The following SYBU variants were observed in gnomAD, a reference collection of about 807,000 sequenced individuals.
SYBU encodes syntabulin, also known as GOLSYN A protein.
Under a neutral mutation model 35.9 loss-of-function variants are expected in SYBU, and 21 were observed. That is an observed-to-expected ratio of 0.58 (90% CI 0.41 to 0.84). The LOEUF is 0.84. SYBU is among the 40% of genes least tolerant of loss of function. The pLI is 0.00. For synonymous variants in SYBU, 319 were observed against 324.3 expected (o/e 0.98, Z 0.18); for missense variants, 768 against 848.2 (o/e 0.91, Z 1.17).
intron 1 of SYBU, among the ~76,000 whole-genome samples, chr8:109,678,956 G>A (rs917041275): frequency 7.2e-5 from 11 of 152,088 alleles, no homozygotes; most frequent in Non-Finnish European, 1.3e-4. Flanking sequence ...TTCCCAGGAG[G>A]TTAGACATTC....
At position 109,674,624 on chromosome 8, in the gene SYBU, A is replaced by G. The variant is rs190588433; in HGVS notation, c.-129+6087T>C. On this transcript the variant is annotated intron_variant, in intron 1 of 5. Transcript: ENST00000408889. ...TTGACACTGTGAAGAAACTGCATCA[A>G]CTAATGAGCAAAATAAAGCAAGTTC... Among the ~76,000 whole-genome samples, 519 of 152,290 alleles carry G rather than the reference A, an allele frequency of 3.4e-3. 3 individuals are homozygous for G. Among genetic ancestry groups the G allele is most frequent in the African/African-American group, 0.012 (487 of 41,554 alleles).
upstream of SYBU, among the ~76,000 whole-genome samples, chr8:109,648,264 T>TATATATATAATA (rs370315962): frequency 0.05 from 7,276 of 145,092 alleles, 551 homozygotes; most frequent in African/African-American, 0.16. Context: ...TATACAATAA[T>TATATATATAATA]ATATATATAT....
intron 2 of SYBU, among the ~76,000 whole-genome samples, chr8:109,632,357 T>C (rs945791189): frequency 2.0e-5 from 3 of 152,214 alleles, no homozygotes; most frequent in African/African-American, 4.8e-5. Context: ...AGCTAGTTCT[T>C]ATTCTCTTGA....
At chr8:109,576,837 A>C (rs963154099) in intron 6 of SYBU, among the ~76,000 whole-genome samples, 2 of 152,186 alleles carry the variant, frequency 1.3e-5, no homozygotes, top group African/African-American at 4.8e-5. Context: ...GGTAGTCAGG[A>C]TCCTCATATA....
At position 109,668,165 on chromosome 8, in the gene SYBU, G is replaced by GGAGAGGGAGA. The variant is rs1554628120; in HGVS notation, c.-129+12545_-129+12546insTCTCCCTCTC. Among the ~76,000 whole-genome samples, 154 of 89,048 alleles carry GGAGAGGGAGA rather than the reference G, an allele frequency of 1.7e-3. 5 individuals carry two copies. Among genetic ancestry groups the GGAGAGGGAGA allele is most frequent in the Admixed American group, 3.5e-3 (24 of 6,862 alleles). 58.4% of individuals were successfully genotyped at this position (89,048 alleles called of 152,430 possible). A position where few individuals can be genotyped will look rare whatever the true frequency, so the allele number is the denominator to read the frequency against. On this transcript the variant is annotated intron_variant, in intron 1 of 5. Transcript: ENST00000408889. ...GAAGAAGAGGCAGAGGGGGAGAGGG[G>GGAGAGGGAGA]GAGAGAGAGAGAGAGAGAGAGAGAG...
chr8:109,679,200 C>T (rs3133928), intron 1 of SYBU, among the ~76,000 whole-genome samples: 52,140 of 152,094 alleles, frequency 0.34, 10,705 homozygotes, highest in Non-Finnish European at 0.46. Flanking sequence ...AGGAAATCAA[C>T]CTACATGGTC....
chr8:109,576,499 G>A (rs573978338), intron 6 of SYBU, among the ~76,000 whole-genome samples: 7 of 152,220 alleles, frequency 4.6e-5, no homozygotes, highest in African/African-American at 1.4e-4. Flanking sequence ...ATAGTTTGTG[G>A]AAGGCCAGTT....
At chr8:109,598,298 C>A (rs903445764) in intron 3 of SYBU, among the ~76,000 whole-genome samples, 1 of 152,184 alleles carries the variant, frequency 6.6e-6, no homozygotes, top group African/African-American at 2.4e-5. Context: ...GAGTGAACTG[C>A]TTAATTTACT....
At chr8:109,590,093 G>C (rs1006850526) in intron 3 of SYBU, among the ~76,000 whole-genome samples, 4 of 151,932 alleles carry the variant, frequency 2.6e-5, no homozygotes, top group African/African-American at 7.3e-5. Context: ...TAAATGTACA[G>C]GTCTCCAGGG....
intron 2 of SYBU, among the ~76,000 whole-genome samples, chr8:109,621,561 T>G (rs1429630581): frequency 1.3e-5 from 2 of 152,232 alleles, no homozygotes; most frequent in Non-Finnish European, 2.9e-5. Flanking sequence ...ACTAGGAATA[T>G]AAGACATGGT....
chr8:109,588,264 G>A (rs1823848178), intron 3 of SYBU, among the ~76,000 whole-genome samples: 1 of 152,126 alleles, frequency 6.6e-6, no homozygotes, highest in Non-Finnish European at 1.5e-5. Context: ...AGATAATTGC[G>A]GAAAATCCAT....
chr8:109,575,281 T>G lies in SYBU; in HGVS notation c.1617A>C (p.Leu539Phe). ...GATTTCTTGGAGTTAAATCAACCAC[T>G]AAGGCAGAGAGGGACTCTGGGAAGC... ...MESFPESLSA[L>F]VVDLTPRNPN... The change falls in exon 7 of 7, where the codon TTA becomes TTC. Residue 539 changes from leucine (L) to phenylalanine (F), a missense_variant. Physicochemically the swap from Leu to Phe is conservative, Grantham distance 22. Coordinates refer to ENST00000276646, the MANE Select transcript of SYBU (RefSeq NM_001099754.2). 3 of 1,614,130 alleles carry G rather than the reference T, an allele frequency of 1.9e-6. No individual in the cohort carries two copies. The Middle Eastern group carries it at 4.9e-4, about 266-fold the overall frequency.
At chr8:109,627,655 G>T (rs1198921938) in intron 2 of SYBU, among the ~76,000 whole-genome samples, 1 of 152,170 alleles carries the variant, frequency 6.6e-6, no homozygotes, top group Non-Finnish European at 1.5e-5. Flanking sequence ...CCATAAGCTA[G>T]CTGTTTTCTA....
At chr8:109,652,988 T>C (rs1659773488) in intron 1 of SYBU, among the ~76,000 whole-genome samples, 1 of 152,230 alleles carries the variant, frequency 6.6e-6, no homozygotes, top group Non-Finnish European at 1.5e-5. Context: ...AAGCCCAGCA[T>C]AGTCCCTTGT....
intron 1 of SYBU, among the ~76,000 whole-genome samples, chr8:109,665,263 C>A (rs1282959338): frequency 1.3e-5 from 2 of 152,036 alleles, no homozygotes; most frequent in African/African-American, 4.8e-5. Context: ...TTTGGCCAAG[C>A]CTTCAACCTC....
At chr8:109,645,097 T>A, upstream of SYBU, 1 of 471,992 alleles carries the variant, frequency 2.1e-6, no homozygotes, top group Middle Eastern at 3.2e-4. Context: ...CACCCTCTTT[T>A]TTTTTTGCAC....
rs1389600172 is a variant in SYBU, at chr8:109,644,668, T to A, written c.-9A>T. The A allele has an allele frequency of 6.6e-7, 1 of 1,518,350 alleles. No individual in the cohort carries two copies. Among genetic ancestry groups the A allele is most frequent in the Non-Finnish European group, 8.8e-7 (1 of 1,140,192 alleles). The allele number at this position is 1,518,350 out of a possible 1,614,324, so 94.1% of individuals were successfully genotyped here. On this transcript the variant is annotated 5_prime_UTR_variant, in exon 1 of 7. Coordinates refer to ENST00000276646, the MANE Select transcript of SYBU (RefSeq NM_001099754.2). ...TCGCGGAGGGGCCCCATCGCGCCGC[T>A]GCCCGCCGGCTCCTCGCGCCGCCGC...
intron 1 of SYBU, among the ~76,000 whole-genome samples, chr8:109,659,118 T>G (rs564654154): frequency 9.9e-5 from 15 of 152,234 alleles, no homozygotes; most frequent in Non-Finnish European, 1.6e-4. Context: ...TGGACCCTTG[T>G]GTTTTCCAGT....
intron 2 of SYBU, among the ~76,000 whole-genome samples, chr8:109,624,892 A>G (rs1812814968): frequency 6.6e-6 from 1 of 152,216 alleles, no homozygotes; most frequent in Admixed American, 6.6e-5. Context: ...TTTCAAGGCT[A>G]CAATGGCAGA....
Sources: allele counts gnomAD v4.1 joint callset (sites outside exome capture counted in the v4.1 genomes callset), GRCh38; gene constraint gnomAD v4.1.1; transcripts MANE v1.5; gene names NCBI Gene and HGNC (gene_info 2026-07-23, HGNC 2026-07-21).